The following UNC93A variants were observed in gnomAD, a reference collection of about 807,000 sequenced individuals.
UNC93A encodes unc-93 homolog A.
In UNC93A, 43 loss-of-function variants were observed where a neutral mutation model predicts 47.5. The ratio of observed to expected loss-of-function variants is 0.91; its 90% CI spans 0.71 to 1.17. The LOEUF (loss-of-function observed/expected upper bound fraction) is 1.17. Ranked by LOEUF, UNC93A falls within the 50% of genes most tolerant of loss-of-function variation. The pLI is 0.00. For missense variants in UNC93A, 605 were observed against 577.6 expected (o/e 1.05, Z -0.49); for synonymous variants, 280 against 258.0 (o/e 1.09, Z -0.82).
intron 4 of UNC93A, among the ~76,000 whole-genome samples, chr6:167,298,576 A>G (rs1778155873): frequency 6.6e-6 from 1 of 151,374 alleles, no homozygotes; most frequent in African/African-American, 2.4e-5. Flanking sequence ...TGGAAAGGCT[A>G]GAGGGGCGAG....
chr6:167,299,137 C>A (rs1330262309), intron 4 of UNC93A, among the ~76,000 whole-genome samples: 34 of 88,212 alleles, frequency 3.9e-4, no homozygotes, highest in Non-Finnish European at 5.1e-4. Context: ...AAAATACACA[C>A]ACACACACAC....
chr6:167,306,124 G>C lies in UNC93A; in HGVS notation c.976+74G>C, dbSNP rs1312069417. On this transcript the variant is annotated intron_variant, in intron 6 of 7. Transcript: ENST00000230256. ...AGCAAAAGCGCACAGCTCACAGTCA[G>C]GACAGGCTGGAAAAGTGCCCCTGAA... 1.9e-6 allele frequency: 3 copies of C among 1,589,694 alleles called. No homozygotes were observed. The African/African-American group carries it at 4.0e-5, about 21-fold the overall frequency.
intron 1 of UNC93A, among the ~76,000 whole-genome samples, chr6:167,293,197 G>A (rs1305600929): frequency 6.6e-6 from 1 of 152,168 alleles, no homozygotes; most frequent in African/African-American, 2.4e-5. Flanking sequence ...GCTGTGAGCA[G>A]CTGCCTGGGG....
upstream of UNC93A, among the ~76,000 whole-genome samples, chr6:167,269,042 C>T (rs950572220): frequency 9.4e-6 from 1 of 106,796 alleles, no homozygotes. Context: ...CCTGGTGGCC[C>T]ACTGGGACCA....
upstream of UNC93A, among the ~76,000 whole-genome samples, chr6:167,270,428 G>A (rs1357169528): frequency 6.6e-6 from 1 of 152,098 alleles, no homozygotes; most frequent in Non-Finnish European, 1.5e-5. Context: ...GAGTGCTGTT[G>A]TCAGGGAGCT....
At position 167,301,045 on chromosome 6, in the gene UNC93A, C is replaced by A. The variant is rs561527611; in HGVS notation, c.626-2874C>A. 1.1e-4 allele frequency among the ~76,000 whole-genome samples: 16 copies of A among 152,368 alleles called. 1 individual carries two copies. In the South Asian group the frequency reaches 3.1e-3, roughly 30 times the overall value. On this transcript the variant is annotated intron_variant, in intron 4 of 7. Transcript: ENST00000230256. Reference sequence around the variant, plus strand: ...ACAACATGTAAGCAAATGAGCATGCCTGCATGCCAATAAAACTTTATTTTC... The same window carrying A: ...ACAACATGTAAGCAAATGAGCATGCATGCATGCCAATAAAACTTTATTTTC...
intron 7 of UNC93A, among the ~76,000 whole-genome samples, chr6:167,309,062 T>G (rs1457667031): frequency 6.6e-6 from 1 of 151,922 alleles, no homozygotes; most frequent in Non-Finnish European, 1.5e-5. Context: ...TAGAGAGGCC[T>G]GAGGGCAAGA....
intron 6 of UNC93A, 137 bp downstream of exon 6, chr6:167,306,187 C>A: frequency 8.2e-7 from 1 of 1,226,088 alleles, no homozygotes; most frequent in Non-Finnish European, 1.1e-6. Flanking sequence ...AAGATGCATT[C>A]ATTCTTTCAG....
intron 5 of UNC93A, among the ~76,000 whole-genome samples, chr6:167,304,567 T>C (rs55851746): frequency 5.3e-5 from 8 of 151,284 alleles, no homozygotes; most frequent in African/African-American, 2.0e-4. Flanking sequence ...TTTTTTTTTT[T>C]CTTTCTTTTT....
upstream of UNC93A, among the ~76,000 whole-genome samples, chr6:167,270,694 A>G (rs547190018): frequency 6.6e-6 from 1 of 152,286 alleles, no homozygotes; most frequent in South Asian, 2.1e-4. Context: ...CAATGTCCTC[A>G]TGGGAGGAGA....
At chr6:167,296,549 G>A (rs905976217) in intron 3 of UNC93A, among the ~76,000 whole-genome samples, 11 of 152,344 alleles carry the variant, frequency 7.2e-5, no homozygotes, top group Middle Eastern at 3.4e-3. Context: ...TGAGGGCCAC[G>A]CCAGTAGAAT....
chr6:167,282,656 A>G (rs991430821), intron 1 of UNC93A, among the ~76,000 whole-genome samples: 2 of 152,186 alleles, frequency 1.3e-5, no homozygotes, highest in African/African-American at 4.8e-5. Context: ...ATGTTGATGA[A>G]AAAACCTAAA....
At position 167,306,006 on chromosome 6, in the gene UNC93A, G is replaced by A. The variant is rs1323551653; in HGVS notation, c.932G>A (p.Gly311Glu). 3 of 1,614,184 alleles carry A rather than the reference G, an allele frequency of 1.9e-6. No homozygotes were observed. The highest frequency in any genetic ancestry group is 2.5e-6 in the Non-Finnish European group (3 of 1,180,040). The change falls in exon 6 of 8, where the codon GGA (glycine) becomes GAA (glutamate). Residue 311 changes from glycine (G) to glutamate (E), a missense_variant. Transcript: ENST00000230256. ...ATDALCSVLYGKVSQYTGRAV... is the reference protein window; with the variant it reads ...ATDALCSVLYEKVSQYTGRAV... Reference sequence around the variant, plus strand: ...GACGCGCTGTGCTCCGTGTTGTATGGAAAGGTCTCGCAGTACACGGGCAGG... The same window carrying A: ...GACGCGCTGTGCTCCGTGTTGTATGAAAAGGTCTCGCAGTACACGGGCAGG...
At chr6:167,302,109 C>G (rs996641359) in intron 4 of UNC93A, among the ~76,000 whole-genome samples, 2 of 152,172 alleles carry the variant, frequency 1.3e-5, no homozygotes, top group African/African-American at 2.4e-5. Context: ...AATAAATCTG[C>G]ATTTCTAGGT....
chr6:167,297,922 T>C (rs1483717137), intron 3 of UNC93A, 23 bp from the exon 4 acceptor site: 3 of 1,612,008 alleles, frequency 1.9e-6, no homozygotes, highest in Non-Finnish European at 2.5e-6. Context: ...ATCTCATGTC[T>C]CCTGTCCACT....
In UNC93A at chr6:167,304,071, T is replaced by C. The variant is rs961007902; in HGVS notation, c.778T>C (p.Leu260=). The change falls in exon 5 of 8, where the codon TTA becomes CTA. Residue 260 remains leucine, a synonymous_variant. Coordinates refer to ENST00000230256, the MANE Select transcript of UNC93A (RefSeq NM_018974.4). ...ATATAGAGATAAACGTCTGTGCCTC[T>C]TAATTCTGCTGCCGCTGTACAGTGG... The part of the protein sequence containing the change: ...KLYRDKRLCL[L]ILLPLYSGLQ... The C allele has an allele frequency of 1.9e-6, 3 of 1,614,050 alleles. No homozygotes were observed. The African/African-American group carries it at 4.0e-5, about 22-fold the overall frequency.
intron 1 of UNC93A, among the ~76,000 whole-genome samples, chr6:167,279,248 T>G (rs56329288): frequency 0.071 from 10,824 of 152,128 alleles, 543 homozygotes; most frequent in Non-Finnish European, 0.11. Context: ...GAGATATATA[T>G]AGAGAGAGAT....
intron 4 of UNC93A, among the ~76,000 whole-genome samples, chr6:167,301,739 AAGTCCTGGCCC>A (rs1213524582): frequency 2.0e-5 from 3 of 152,166 alleles, no homozygotes; most frequent in Admixed American, 2.0e-4. Flanking sequence ...CTTGACACTG[AAGTCCTGGCCC>A]ACAAGACGAG....
chr6:167,298,097 G>T, intron 4 of UNC93A, 27 bp downstream of exon 4: 1 of 1,605,830 alleles, frequency 6.2e-7, no homozygotes, highest in East Asian at 2.2e-5. Context: ...CCCAGGGCAG[G>T]GTCCCTAGCA....
Sources: allele counts gnomAD v4.1 joint callset (sites outside exome capture counted in the v4.1 genomes callset), GRCh38; gene constraint gnomAD v4.1.1; transcripts MANE v1.5; gene names NCBI Gene and HGNC (gene_info 2026-07-23, HGNC 2026-07-21).